The following JCAD variants were observed in gnomAD, a reference collection of about 807,000 sequenced individuals.
JCAD encodes the protein junctional cadherin 5 associated.
Under a neutral mutation model 98.0 loss-of-function variants are expected in JCAD, and 40 were observed. The ratio of observed to expected loss-of-function variants is 0.41; its 90% CI spans 0.32 to 0.53. The LOEUF (loss-of-function observed/expected upper bound fraction) is 0.53, where lower values mean the gene tolerates loss of function less well. Ranked by LOEUF, JCAD falls within the 20% of genes least tolerant of loss-of-function variation. The probability of loss-of-function intolerance (pLI) is 0.31; values close to 1 mark genes in which losing one functional copy is unlikely to be tolerated. For synonymous variants in JCAD, 691 were observed against 682.3 expected, an observed-to-expected ratio of 1.01 and a Z score of -0.20; for missense variants, 1,705 against 1,738.1, an observed-to-expected ratio of 0.98 and a Z score of 0.34.
At chr10:30,077,528 C>G (rs1255262134) in intron 1 of JCAD, among the ~76,000 whole-genome samples, 1 of 152,176 alleles carries the variant, frequency 6.6e-6, no homozygotes, top group Non-Finnish European at 1.5e-5. Flanking sequence ...CATGACTATT[C>G]ATTTCCAGAA....
intron 2 of JCAD, among the ~76,000 whole-genome samples, chr10:30,047,241 A>G (rs1026942025): frequency 6.6e-5 from 10 of 152,160 alleles, no homozygotes; most frequent in Non-Finnish European, 1.2e-4. Flanking sequence ...GTGTGGTGGC[A>G]CATGCCTGTA....
At chr10:30,070,434 G>A (rs1383066305) in intron 1 of JCAD, among the ~76,000 whole-genome samples, 1 of 152,152 alleles carries the variant, frequency 6.6e-6, no homozygotes, top group Non-Finnish European at 1.5e-5. Context: ...GGGTACCCAC[G>A]GCAACTTCCT....
rs574774053 is a variant in JCAD at position 30,050,076 on chromosome 10, G to C, written c.-59-2205C>G. ...CGCACCTATAATCCCAGCACTTTAG[G>C]AGGCTAGGTGGGTGAATCACTTGGG... On this transcript the variant is annotated intron_variant, in intron 1 of 3. Coordinates refer to ENST00000375377, the MANE Select transcript of JCAD (RefSeq NM_020848.4). 4.6e-5 allele frequency among the ~76,000 whole-genome samples: 7 copies of C among 152,096 alleles called. No homozygotes were observed. The East Asian group carries it at 1.2e-3, about 25-fold the overall frequency.
chr10:30,045,452 T>G (rs966785232), intron 2 of JCAD, among the ~76,000 whole-genome samples: 2 of 152,238 alleles, frequency 1.3e-5, no homozygotes, highest in African/African-American at 4.8e-5. Context: ...TGCCCTGTAC[T>G]GTAAGACTCT....
chr10:30,060,700 A>G (rs1837684168), upstream of JCAD, among the ~76,000 whole-genome samples: 1 of 152,076 alleles, frequency 6.6e-6, no homozygotes, highest in Non-Finnish European at 1.5e-5. Flanking sequence ...TTTTTGCTCT[A>G]TTACCACATC....
intron 1 of JCAD, among the ~76,000 whole-genome samples, chr10:30,090,037 G>T (rs1036963691): frequency 6.6e-6 from 1 of 152,172 alleles, no homozygotes; most frequent in Non-Finnish European, 1.5e-5. Flanking sequence ...AACCTGATGG[G>T]TGCTTATGTA....
chr10:30,076,598 G>A (rs1246598047), intron 1 of JCAD, among the ~76,000 whole-genome samples: 7 of 152,098 alleles, frequency 4.6e-5, no homozygotes, highest in African/African-American at 7.2e-5. Context: ...TTTCAGAAAG[G>A]GGCGGTGTCC....
At position 30,051,873 on chromosome 10, in the gene JCAD, C is replaced by T. The variant is rs144902475; in HGVS notation, c.-59-4002G>A. 7.9e-5 allele frequency among the ~76,000 whole-genome samples: 12 copies of T among 152,212 alleles called. No individual in the cohort carries two copies. The East Asian group carries it at 2.1e-3, about 27-fold the overall frequency. On this transcript the variant is annotated intron_variant, in intron 1 of 3. Coordinates refer to ENST00000375377, the MANE Select transcript of JCAD (RefSeq NM_020848.4). The stretch of plus-strand genomic sequence containing the variant: ...CTCAGTGACGAGGATAATGATCATT[C>T]CATTAATAGAAATATAGAAACTGAA...
At chr10:30,037,989 G>C (rs1837151948) in intron 2 of JCAD, among the ~76,000 whole-genome samples, 1 of 150,494 alleles carries the variant, frequency 6.6e-6, no homozygotes, top group Non-Finnish European at 1.5e-5. Context: ...TGCCAACCTG[G>C]CCAGCCACAA....
At chr10:30,107,347 G>A (rs1180767196) in intron 1 of JCAD, among the ~76,000 whole-genome samples, 2 of 152,172 alleles carry the variant, frequency 1.3e-5, no homozygotes, top group Middle Eastern at 3.2e-3. Flanking sequence ...GGGATCTCTC[G>A]TCATCCTTGC....
intron 2 of JCAD, among the ~76,000 whole-genome samples, chr10:30,045,722 G>C (rs745367863): frequency 6.6e-6 from 1 of 152,176 alleles, no homozygotes; most frequent in Admixed American, 6.5e-5. Context: ...GAGTTCTGAA[G>C]CACAAGGTGA....
chr10:30,042,356 C>T (rs1440832345), intron 2 of JCAD, among the ~76,000 whole-genome samples: 1 of 151,928 alleles, frequency 6.6e-6, no homozygotes, highest in East Asian at 1.9e-4. Flanking sequence ...CCTTGTCCAG[C>T]CCCTCCCCTC....
At chr10:30,092,412 T>G (rs1356903789) in intron 1 of JCAD, among the ~76,000 whole-genome samples, 1 of 151,834 alleles carries the variant, frequency 6.6e-6, no homozygotes, top group East Asian at 1.9e-4. Flanking sequence ...GCTGGGAAAT[T>G]CTATAGTTGT....
At chr10:30,037,390 G>A (rs1440905708) in intron 2 of JCAD, among the ~76,000 whole-genome samples, 2 of 152,174 alleles carry the variant, frequency 1.3e-5, no homozygotes, top group Non-Finnish European at 2.9e-5. Flanking sequence ...AGGTCAGTCA[G>A]AAAAGAGAAA....
At chr10:30,049,923 T>C (rs1170477312) in intron 1 of JCAD, among the ~76,000 whole-genome samples, 1 of 152,164 alleles carries the variant, frequency 6.6e-6, no homozygotes, top group East Asian at 1.9e-4. Context: ...AGCTAGGTTT[T>C]GAAGAATGGT....
intron 1 of JCAD, among the ~76,000 whole-genome samples, chr10:30,087,209 G>A (rs1202503355): frequency 2.0e-5 from 3 of 152,144 alleles, no homozygotes; most frequent in East Asian, 1.9e-4. Context: ...TTGGGAGGCC[G>A]AGGCGGGCGG....
chr10:30,070,389 T>G (rs1039911913), intron 1 of JCAD, among the ~76,000 whole-genome samples: 16 of 152,330 alleles, frequency 1.1e-4, no homozygotes, highest in African/African-American at 3.4e-4. Context: ...CTGTGTCGTC[T>G]GCACATACCA....
upstream of JCAD, among the ~76,000 whole-genome samples, chr10:30,063,916 C>T (rs528616320): frequency 9.9e-5 from 15 of 152,146 alleles, no homozygotes; most frequent in African/African-American, 3.6e-4. Flanking sequence ...ATGCAATTCT[C>T]CTGCCTCAGC....
At chr10:30,024,389 G>A (rs1223013292) in intron 3 of JCAD, among the ~76,000 whole-genome samples, 1 of 152,116 alleles carries the variant, frequency 6.6e-6, no homozygotes, top group Non-Finnish European at 1.5e-5. Flanking sequence ...AAAGTCTAGT[G>A]GGCATATTTT....
Sources: allele counts gnomAD v4.1 joint callset (sites outside exome capture counted in the v4.1 genomes callset), GRCh38; gene constraint gnomAD v4.1.1; transcripts MANE v1.5; gene names NCBI Gene and HGNC (gene_info 2026-07-23, HGNC 2026-07-21).